The following RAD52 variants were observed in gnomAD, a reference collection of about 807,000 sequenced individuals.
RAD52 encodes the protein RAD52 DNA repair protein, also known as DNA repair protein RAD52 homolog.
Under a neutral mutation model 55.5 loss-of-function variants are expected in RAD52, and 47 were observed. That is an observed-to-expected ratio of 0.85 (90% CI 0.67 to 1.08). The LOEUF (loss-of-function observed/expected upper bound fraction) is 1.08. RAD52 is among the 50% of genes least tolerant of loss of function. The probability of loss-of-function intolerance (pLI) is 0.00; values close to 1 mark genes in which losing one functional copy is unlikely to be tolerated. For missense variants in RAD52, 468 were observed against 522.8 expected, an observed-to-expected ratio of 0.90 and a Z score of 1.02; for synonymous variants, 184 against 198.9, an observed-to-expected ratio of 0.92 and a Z score of 0.63.
intron 5 of RAD52, 91 bp from the exon 6 acceptor site, chr12:927,354 G>T: frequency 1.0e-6 from 1 of 961,332 alleles, no homozygotes; most frequent in Non-Finnish European, 1.7e-6. Flanking sequence ...TTCAAAGCCG[G>T]ACTCTCCCAC....
chr12:922,561 G>A (rs1371235076), intron 7 of RAD52, among the ~76,000 whole-genome samples: 1 of 152,172 alleles, frequency 6.6e-6, no homozygotes, highest in Non-Finnish European at 1.5e-5. Flanking sequence ...AGGGAATTCT[G>A]ATACACACTA....
At position 984,449 on chromosome 12, in the gene RAD52, C is replaced by T. The variant is rs150516511; in HGVS notation, c.-19+5360G>A. Among the ~76,000 whole-genome samples the T allele has an allele frequency of 1.5e-3, 234 of 152,224 alleles. 4 individuals carry two copies. Among genetic ancestry groups the T allele is most frequent in the African/African-American group, 4.9e-3 (204 of 41,538 alleles). On this transcript the variant is annotated intron_variant, in intron 1 of 11. Coordinates refer to the RAD52 transcript ENST00000430095. ...CTGACCTCAGGTGATCCACCTGCCT[C>T]AGGCTCCCAAAGTGCTAGGATTATA...
intron 6 of RAD52, 145 bp downstream of exon 6, chr12:926,987 AAACGGCAGACAGG>A: frequency 6.4e-7 from 1 of 1,571,506 alleles, no homozygotes; most frequent in African/African-American, 1.3e-5. Context: ...GAAAGTGGGA[AAACGGCAGACAGG>A]AACCAGGGCA....
At chr12:953,123 G>A (rs542021562), upstream of RAD52, among the ~76,000 whole-genome samples, 20 of 149,582 alleles carry the variant, frequency 1.3e-4, no homozygotes, top group Admixed American at 7.4e-4. Context: ...TGGCCAGCAT[G>A]TTGAAACCCC....
At chr12:937,433 T>C (rs1263478512) in intron 1 of RAD52, among the ~76,000 whole-genome samples, 1 of 151,940 alleles carries the variant, frequency 6.6e-6, no homozygotes, top group Admixed American at 6.5e-5. Flanking sequence ...TCAGCTTTTT[T>C]TTTTTTCTGA....
intron 1 of RAD52, among the ~76,000 whole-genome samples, chr12:989,050 G>C (rs1379049697): frequency 6.6e-6 from 1 of 152,196 alleles, no homozygotes; most frequent in African/African-American, 2.4e-5. Context: ...TCAATACTCA[G>C]TTAACCCAAA....
intron 1 of RAD52, among the ~76,000 whole-genome samples, chr12:984,394 C>T (rs919686373): frequency 2.0e-5 from 3 of 152,026 alleles, no homozygotes; most frequent in African/African-American, 4.8e-5. Context: ...GATGGGATTT[C>T]GCCATATTGG....
intron 7 of RAD52, among the ~76,000 whole-genome samples, chr12:917,092 T>C (rs1287010239): frequency 6.6e-6 from 1 of 152,234 alleles, no homozygotes; most frequent in East Asian, 1.9e-4. Context: ...CTGCTGGGTC[T>C]GTCTTTGCTG....
chr12:973,810 A>G (rs1188132218), intron 1 of RAD52, among the ~76,000 whole-genome samples: 2 of 136,962 alleles, frequency 1.5e-5, no homozygotes, highest in African/African-American at 6.0e-5. Flanking sequence ...TTTTTAAGAA[A>G]TGTGCTCTCA....
intron 1 of RAD52, among the ~76,000 whole-genome samples, chr12:980,682 A>T (rs979628162): frequency 6.7e-6 from 1 of 150,292 alleles, no homozygotes; most frequent in Non-Finnish European, 1.5e-5. Flanking sequence ...GCTCACTGCA[A>T]CCGCCGCCTC....
intron 1 of RAD52, among the ~76,000 whole-genome samples, chr12:961,879 AAGAG>A (rs778005741): frequency 2.6e-5 from 4 of 151,708 alleles, no homozygotes; most frequent in East Asian, 1.9e-4. Flanking sequence ...AGAAAGAAAA[AAGAG>A]AGAGAGAGAG....
At chr12:948,989 G>A (rs1592454784) in intron 1 of RAD52, among the ~76,000 whole-genome samples, 2 of 152,252 alleles carry the variant, frequency 1.3e-5, no homozygotes, top group East Asian at 3.9e-4. Flanking sequence ...GTGAGACGCC[G>A]CGCCAGACCT....
chr12:912,515 C>CT lies in RAD52; in HGVS notation c.*875_*876insA. 1 of 154,304 alleles carries CT rather than the reference C, an allele frequency of 6.5e-6. No homozygotes were observed. Among genetic ancestry groups the CT allele is most frequent in the Non-Finnish European group, 1.4e-5 (1 of 73,120 alleles). The allele number at this position is 154,304 out of a possible 1,614,324, so 9.6% of individuals were successfully genotyped here. A position where few individuals can be genotyped will look rare whatever the true frequency, so the allele number is the denominator to read the frequency against. On this transcript the variant is annotated 3_prime_UTR_variant, in exon 12 of 12. Coordinates refer to ENST00000358495, the MANE Select transcript of RAD52 (RefSeq NM_134424.4). Reference sequence around the variant, plus strand: ...TCTGGTTTCAAGCATTTCAGATAAGCAATATATATATATTCTATTTTGTTA... The same window carrying CT: ...TCTGGTTTCAAGCATTTCAGATAAGCTAATATATATATATTCTATTTTGTTA...
chr12:981,889 T>G (rs1166574938), intron 1 of RAD52, among the ~76,000 whole-genome samples: 1 of 152,232 alleles, frequency 6.6e-6, no homozygotes, highest in Non-Finnish European at 1.5e-5. Context: ...CCTGGCCCAG[T>G]GGATTAGCAG....
chr12:984,610 C>T (rs1959061799), intron 1 of RAD52, among the ~76,000 whole-genome samples: 3 of 152,076 alleles, frequency 2.0e-5, no homozygotes. Flanking sequence ...TAAGGTTCAT[C>T]CACAGTGTAG....
At position 916,405 on chromosome 12, in the gene RAD52, G is replaced by T. The variant is rs780177889; in HGVS notation, c.804C>A (p.Phe268Leu). The change falls in exon 9 of 12, where the codon TTC becomes TTA. Residue 268 changes from phenylalanine (F) to leucine (L), a missense_variant. Physicochemically the swap from Phe to Leu is conservative, Grantham distance 22. Transcript: ENST00000358495. The stretch of plus-strand genomic sequence containing the variant: ...CCTGCTGCTTCTCCATCCGCTCCCG[G>T]AACTGCTGCTGCAGCTGCTTCTGCC... ...KLRQKQLQQQ[F>L]RERMEKQQVR... 2 of 1,608,906 alleles carry T rather than the reference G, an allele frequency of 1.2e-6. No homozygotes were observed. The highest frequency in any genetic ancestry group is 8.5e-7 in the Non-Finnish European group (1 of 1,179,618).
chr12:943,400 T>A (rs1181498675), intron 1 of RAD52, among the ~76,000 whole-genome samples: 1 of 152,212 alleles, frequency 6.6e-6, no homozygotes, highest in Non-Finnish European at 1.5e-5. Flanking sequence ...TGGAGTGCAG[T>A]GGCACAATCT....
rs113243847 is a variant in RAD52 at position 959,343 on chromosome 12, C to A, written c.-18-26267G>T. On this transcript the variant is annotated intron_variant, in intron 1 of 11. Transcript: ENST00000430095. The stretch of plus-strand genomic sequence containing the variant: ...AATCTATAATTTTATTCACTTAATG[C>A]ATATTTATTAGCCCCTATCAGGAGT... 4.8e-3 allele frequency among the ~76,000 whole-genome samples: 733 copies of A among 152,312 alleles called. 4 individuals carry two copies. Among genetic ancestry groups the A allele is most frequent in the Middle Eastern group, 0.027 (8 of 294 alleles).
intron 1 of RAD52, among the ~76,000 whole-genome samples, chr12:969,083 C>T (rs1343781889): frequency 5.3e-5 from 8 of 151,984 alleles, no homozygotes; most frequent in South Asian, 2.1e-4. Context: ...TAACAATATA[C>T]GTAGCATTTA....
Sources: gnomAD v4.1 joint callset for allele counts (sites outside exome capture counted in the v4.1 genomes callset) on GRCh38, gnomAD v4.1.1 for gene constraint, MANE v1.5 for transcripts, NCBI Gene and HGNC (gene_info 2026-07-23, HGNC 2026-07-21) for gene names.